The following RAB4B variants were observed in gnomAD, a reference collection of about 807,000 sequenced individuals.
The protein encoded by RAB4B is RAB4B, member RAS oncogene family, also known as ras-related protein Rab-4B.
A neutral mutation model predicts 28.3 loss-of-function variants in RAB4B; 15 were observed. The ratio of observed to expected loss-of-function variants is 0.53; its 90% CI spans 0.35 to 0.82. The LOEUF (loss-of-function observed/expected upper bound fraction) is 0.82. RAB4B is among the 40% of genes least tolerant of loss of function. The pLI is 0.01. For missense variants in RAB4B, 244 were observed against 288.5 expected, an observed-to-expected ratio of 0.85 and a Z score of 1.12; for synonymous variants, 108 against 116.3, an observed-to-expected ratio of 0.93 and a Z score of 0.46.
intron 1 of RAB4B, chr19:40,779,788 C>T (rs2083029851): frequency 4.4e-6 from 5 of 1,125,488 alleles, no homozygotes; most frequent in Non-Finnish European, 5.9e-6. Context: ...CACATGTACT[C>T]CCTGAATCTA....
At chr19:40,795,225 G>C (rs1370810875) in intron 7 of RAB4B, among the ~76,000 whole-genome samples, 1 of 148,680 alleles carries the variant, frequency 6.7e-6, no homozygotes, top group Non-Finnish European at 1.5e-5. Flanking sequence ...ATTTCTGGAA[G>C]CTCCCAGGTA....
chr19:40,795,488 C>T (rs2083201344), intron 7 of RAB4B, among the ~76,000 whole-genome samples: 1 of 151,856 alleles, frequency 6.6e-6, no homozygotes, highest in African/African-American at 2.4e-5. Context: ...CAACCTCCGC[C>T]TCCTGGGTTC....
At chr19:40,785,440 G>A (rs1232923360) in intron 5 of RAB4B, 1 of 151,756 alleles carries the variant, frequency 6.6e-6, no homozygotes, top group Admixed American at 6.6e-5. Flanking sequence ...GTGCCCAGAA[G>A]TTCGAGGCTG....
intron 7 of RAB4B, among the ~76,000 whole-genome samples, chr19:40,794,217 G>A (rs2083187140): frequency 6.6e-6 from 1 of 151,204 alleles, no homozygotes; most frequent in Non-Finnish European, 1.5e-5. Context: ...TGGGATTACA[G>A]GCGCCCGCCA....
At chr19:40,784,114 G>C in intron 5 of RAB4B, 39 bp downstream of exon 5, 1 of 1,575,730 alleles carries the variant, frequency 6.3e-7, no homozygotes, top group Non-Finnish European at 8.7e-7. Context: ...GGTGGGGGTG[G>C]ACAGTCCACA....
chr19:40,790,859 T>TA (rs1051796408), intron 7 of RAB4B, among the ~76,000 whole-genome samples: 1 of 146,902 alleles, frequency 6.8e-6, no homozygotes, highest in African/African-American at 2.5e-5. Flanking sequence ...TTTTTGTATT[T>TA]TTTTTTTTTT....
Position 40,787,961 on chromosome 19 carries a change from CAAAAA to C in RAB4B, c.*15+1005_*15+1009del, listed in dbSNP as rs56997006. Among the ~76,000 whole-genome samples the C allele has an allele frequency of 2.0e-4, 14 of 69,456 alleles. No individual in the cohort carries two copies. In the South Asian group the frequency reaches 3.6e-3, roughly 18 times the overall value. The allele number at this position is 69,456 out of a possible 152,430, so 45.6% of individuals were successfully genotyped here. On this transcript the variant is annotated intron_variant, in intron 7 of 7. Transcript: ENST00000357052. ...TGGGCGACAGAGCAAGACTCTGTCT[CAAAAA>C]AAAAAAAAAAAAAAAAAAAAAGAGA...
In RAB4B at chr19:40,779,665, C is replaced by G. The variant is rs148800962; in HGVS notation, c.17-354C>G. On this transcript the variant is annotated intron_variant, in intron 1 of 7. Transcript: ENST00000357052. Reference sequence around the variant, plus strand: ...GGCTGAGGCAGGAGAATTGCTTGAACCTGGGAGGTGGAGGTTGCGGTGAGC... The same window carrying G: ...GGCTGAGGCAGGAGAATTGCTTGAAGCTGGGAGGTGGAGGTTGCGGTGAGC... The G allele has an allele frequency of 1.7e-3, 436 of 251,226 alleles. 3 individuals are homozygous for G. Among genetic ancestry groups the G allele is most frequent in the African/African-American group, 9.4e-3 (405 of 43,258 alleles). The allele number at this position is 251,226 out of a possible 1,614,324, so 15.6% of individuals were successfully genotyped here. A position where few individuals can be genotyped will look rare whatever the true frequency, so the allele number is the denominator to read the frequency against.
intron 3 of RAB4B, among the ~76,000 whole-genome samples, chr19:40,781,112 TAAAAAAAA>T (rs941942424): frequency 1.3e-5 from 1 of 76,650 alleles, no homozygotes; most frequent in African/African-American, 5.0e-5. Flanking sequence ...GTGTCTCTAC[TAAAAAAAA>T]AAAAAAAAAA....
chr19:40,790,663 CCTTTTT>C (rs1423108562), intron 7 of RAB4B, among the ~76,000 whole-genome samples: 1 of 103,330 alleles, frequency 9.7e-6, no homozygotes, highest in Non-Finnish European at 2.1e-5. Flanking sequence ...ATGAGCCTTT[CCTTTTT>C]TTTTTTTTTT....
intron 5 of RAB4B, chr19:40,785,505 T>C (rs918328592): frequency 2.0e-5 from 3 of 152,172 alleles, no homozygotes; most frequent in African/African-American, 7.2e-5. Flanking sequence ...AGAGAGACTT[T>C]GTCTCAAAGA....
At chr19:40,782,305 G>C (rs2145041359) in intron 3 of RAB4B, among the ~76,000 whole-genome samples, 2 of 152,302 alleles carry the variant, frequency 1.3e-5, no homozygotes, top group South Asian at 4.1e-4. Context: ...TGGTGAGACA[G>C]AGAATGCAGA....
rs45600135 is a variant in RAB4B at position 40,796,596 on chromosome 19, G to A, written c.*42G>A. The A allele has an allele frequency of 0.018, 2,746 of 153,004 alleles. 37 individuals are homozygous for A. Among genetic ancestry groups the A allele is most frequent in the Non-Finnish European group, 0.026 (1,786 of 68,242 alleles). The allele number at this position is 153,004 out of a possible 1,614,324, so 9.5% of individuals were successfully genotyped here. On this transcript the variant is annotated 3_prime_UTR_variant, in exon 8 of 8. Coordinates refer to ENST00000357052, the MANE Select transcript of RAB4B (RefSeq NM_016154.5). The stretch of plus-strand genomic sequence containing the variant: ...TCACCTGTTCTCCAGGACCAGCCCT[G>A]CTGGGGCCCAGGCCCAGGCTCTGAG...
At position 40,778,297 on chromosome 19, in the gene RAB4B, C is replaced by T; in HGVS notation, c.-79C>T. 7.2e-7 allele frequency: 1 copy of T among 1,397,950 alleles called. No individual in the cohort carries two copies. The highest frequency in any genetic ancestry group is 1.3e-5 in the South Asian group (1 of 77,306). The allele number at this position is 1,397,950 out of a possible 1,614,324, so 86.6% of individuals were successfully genotyped here. The stretch of plus-strand genomic sequence containing the variant: ...AGTAGGAAGGAGCCGGGGCTGTAGC[C>T]GGAGTGGAGCGGCTGCCAGCCGAGG... On this transcript the variant is annotated 5_prime_UTR_variant, in exon 1 of 8. Transcript: ENST00000357052.
intron 3 of RAB4B, among the ~76,000 whole-genome samples, chr19:40,782,950 C>T (rs945917996): frequency 1.3e-5 from 2 of 152,088 alleles, no homozygotes; most frequent in African/African-American, 4.8e-5. Context: ...ATCAGACTGG[C>T]CAACATGGCC....
chr19:40,793,580 T>G (rs376008528), intron 7 of RAB4B, among the ~76,000 whole-genome samples: 61,874 of 142,270 alleles, frequency 0.43, 14,721 homozygotes, highest in Admixed American at 0.53. Context: ...TTGTTTTTTT[T>G]TTTTTTTTTT....
rs1488135001 is a variant in RAB4B, at chr19:40,779,895, C to T, written c.17-124C>T. On this transcript the variant is annotated intron_variant, in intron 1 of 7. Coordinates refer to ENST00000357052, the MANE Select transcript of RAB4B (RefSeq NM_016154.5). Reference sequence around the variant, plus strand: ...ACTGTTACCTATTGGTTTGTTTCTGCCTATGTCTGTTTCTCTCCCTCTAAC... The same window carrying T: ...ACTGTTACCTATTGGTTTGTTTCTGTCTATGTCTGTTTCTCTCCCTCTAAC... 7 of 1,571,222 alleles carry T rather than the reference C, an allele frequency of 4.5e-6. No homozygotes were observed. In the East Asian group the frequency reaches 1.1e-4, roughly 26 times the overall value.
chr19:40,778,519 G>A (rs2083016862), intron 1 of RAB4B, 128 bp downstream of exon 1: 2 of 961,426 alleles, frequency 2.1e-6, no homozygotes, highest in Non-Finnish European at 2.8e-6. Flanking sequence ...CTAAGTGGAT[G>A]CTGGGAGGGG....
chr19:40,786,577 G>A (rs2083101146), intron 5 of RAB4B, 88 bp from the exon 6 acceptor site: 1 of 1,571,708 alleles, frequency 6.4e-7, no homozygotes, highest in African/African-American at 1.4e-5. Flanking sequence ...TGGAACATTG[G>A]AGGAACAGGA....
Sources: allele counts gnomAD v4.1 joint callset (sites outside exome capture counted in the v4.1 genomes callset), GRCh38; gene constraint gnomAD v4.1.1; transcripts MANE v1.5; gene names NCBI Gene and HGNC (gene_info 2026-07-23, HGNC 2026-07-21).